Variants in CC2D2B observed in about 807,000 individuals in gnomAD.
The protein encoded by CC2D2B is protein CC2D2B.
In CC2D2B, 128 loss-of-function variants were observed where a neutral mutation model predicts 161.2. That is an observed-to-expected ratio of 0.79 (90% CI 0.69 to 0.92). CC2D2B has a LOEUF of 0.92. Ranked by LOEUF, CC2D2B falls within the 40% of genes least tolerant of loss-of-function variation. The probability of loss-of-function intolerance (pLI) is 0.00; values close to 1 mark genes in which losing one functional copy is unlikely to be tolerated. For missense variants in CC2D2B, 1,173 were observed against 1,375.1 expected, an observed-to-expected ratio of 0.85 and a Z score of 2.32; for synonymous variants, 391 against 449.8, an observed-to-expected ratio of 0.87 and a Z score of 1.65.
chr10:95,936,753 A>T (rs190491329), intron 6 of CC2D2B, among the ~76,000 whole-genome samples: 11 of 152,014 alleles, frequency 7.2e-5, no homozygotes, highest in African/African-American at 2.4e-4. Context: ...TAGGGCTTAT[A>T]AAAAAAAGAC....
chr10:95,981,677 C>T (rs2077536249), intron 17 of CC2D2B, among the ~76,000 whole-genome samples: 1 of 152,160 alleles, frequency 6.6e-6, no homozygotes, highest in Admixed American at 6.5e-5. Flanking sequence ...TAAGCATCTA[C>T]AGTATTTTAG....
chr10:95,991,147 A>C (rs957579963), intron 20 of CC2D2B, among the ~76,000 whole-genome samples: 3 of 151,472 alleles, frequency 2.0e-5, no homozygotes, highest in Non-Finnish European at 4.4e-5. Context: ...GTAGAAAGAC[A>C]AAAAAAAGTG....
intron 29 of CC2D2B, 51 bp from the exon 30 acceptor site, chr10:96,016,150 A>G (rs1254600972): frequency 1.6e-6 from 2 of 1,246,432 alleles, no homozygotes; most frequent in East Asian, 2.4e-5. Context: ...GCGTTACTCA[A>G]CTTTCCCGCA....
chr10:96,012,710 AC>A lies in CC2D2B; in HGVS notation c.3408del (p.His1136GlnfsTer16). 6.3e-7 allele frequency: 1 copy of A among 1,594,026 alleles called. No individual in the cohort carries two copies. Among genetic ancestry groups the A allele is most frequent in the East Asian group, 2.2e-5 (1 of 44,694 alleles). ...CAGCAACTTCTGGATATATTTCTTC[AC>A]AATTCTAATGCAACATTTGTAAGTT... ...PPQQLLDIFL[H>X]NSNATFDLIA... On this transcript the variant is annotated frameshift_variant, in exon 28 of 35. Transcript: ENST00000646931. LOFTEE classifies it high-confidence loss of function.
intron 2 of CC2D2B, chr10:95,919,269 G>T (rs1590332182): frequency 6.6e-6 from 1 of 152,280 alleles, no homozygotes; most frequent in East Asian, 1.9e-4. Context: ...TCTAGAGAAG[G>T]ATTAGTAAGT....
chr10:95,968,802 T>C lies in CC2D2B; in HGVS notation c.1545T>C (p.Ser515=). The change falls in exon 15 of 35, where the codon TCT becomes TCC. Residue 515 remains serine (S), a synonymous_variant. Coordinates refer to ENST00000646931, the MANE Select transcript of CC2D2B (RefSeq NM_001349008.3). The stretch of plus-strand genomic sequence containing the variant: ...TATTTTACAACAATAAACAGGTTTC[T>C]TGTACTTCAGTATCTCCCCTACAGT... ...IKIFYNNKQV[S]CTSVSPLQFD... 2 of 1,206,594 alleles carry C rather than the reference T, an allele frequency of 1.7e-6. No homozygotes were observed. The highest frequency in any genetic ancestry group is 2.1e-6 in the Non-Finnish European group (2 of 964,854). The allele number at this position is 1,206,594 out of a possible 1,614,324, so 74.7% of individuals were successfully genotyped here. A position where few individuals can be genotyped will look rare whatever the true frequency, so the allele number is the denominator to read the frequency against.
At chr10:96,010,013 T>A in intron 26 of CC2D2B, 90 bp downstream of exon 26, 1 of 752,962 alleles carries the variant, frequency 1.3e-6, no homozygotes, top group Non-Finnish European at 2.3e-6. Flanking sequence ...ACTCTGTGAT[T>A]GGCAGGCTGG....
intron 9 of CC2D2B, among the ~76,000 whole-genome samples, chr10:95,942,448 C>T (rs1361048212): frequency 6.6e-6 from 1 of 152,086 alleles, no homozygotes; most frequent in Non-Finnish European, 1.5e-5. Flanking sequence ...TAACCATTCA[C>T]TTATATAATT....
At chr10:95,955,367 C>T (rs538358223) in intron 10 of CC2D2B, 27 bp from the exon 11 acceptor site, 29 of 389,466 alleles carry the variant, frequency 7.4e-5, no homozygotes, top group Admixed American at 3.4e-4. Flanking sequence ...TAAAATATAC[C>T]GAAGAGCTCT....
chr10:95,934,321 C>T (rs1248271270), intron 6 of CC2D2B, among the ~76,000 whole-genome samples: 1 of 151,992 alleles, frequency 6.6e-6, no homozygotes, highest in African/African-American at 2.4e-5. Context: ...GGGGCTCCGT[C>T]GGGGTGGGAT....
chr10:95,980,205 G>A (rs1168439070), intron 17 of CC2D2B, among the ~76,000 whole-genome samples: 1 of 151,940 alleles, frequency 6.6e-6, no homozygotes, highest in Non-Finnish European at 1.5e-5. Flanking sequence ...GAGGAAGGGA[G>A]GGAGGGAGGG....
At chr10:95,965,208 A>C (rs1414177068) in intron 12 of CC2D2B, among the ~76,000 whole-genome samples, 2 of 152,062 alleles carry the variant, frequency 1.3e-5, no homozygotes, top group Non-Finnish European at 1.5e-5. Flanking sequence ...TACATCAATA[A>C]TTTTCTGACA....
intron 2 of CC2D2B, among the ~76,000 whole-genome samples, chr10:95,913,051 AC>A (rs2098509332): frequency 6.6e-6 from 1 of 152,104 alleles, no homozygotes; most frequent in African/African-American, 2.4e-5. Context: ...GCTGTAAAAT[AC>A]TAGATCGTAT....
intron 5 of CC2D2B, among the ~76,000 whole-genome samples, chr10:95,925,247 C>G (rs1365931850): frequency 6.6e-6 from 1 of 152,120 alleles, no homozygotes; most frequent in African/African-American, 2.4e-5. Flanking sequence ...CATGCGGAAG[C>G]AAGGCAAAGA....
intron 24 of CC2D2B, among the ~76,000 whole-genome samples, chr10:96,000,462 C>T (rs1031432756): frequency 2.6e-5 from 4 of 152,098 alleles, no homozygotes; most frequent in Admixed American, 6.5e-5. Flanking sequence ...CTCCCAGGTT[C>T]GAACCATTCT....
chr10:96,025,184 T>TAAAA (rs1279667652), intron 33 of CC2D2B, among the ~76,000 whole-genome samples: 1 of 20,650 alleles, frequency 4.8e-5, no homozygotes, highest in African/African-American at 2.2e-4. Context: ...TATATATATA[T>TAAAA]AAAAAAAAAT....
intron 24 of CC2D2B, among the ~76,000 whole-genome samples, chr10:96,001,398 T>C (rs2078488849): frequency 6.6e-6 from 1 of 152,210 alleles, no homozygotes; most frequent in African/African-American, 2.4e-5. Context: ...CTACGAATAT[T>C]TTATATTTCA....
At chr10:96,013,239 C>T (rs2079062195) in intron 28 of CC2D2B, among the ~76,000 whole-genome samples, 1 of 151,880 alleles carries the variant, frequency 6.6e-6, no homozygotes, top group Non-Finnish European at 1.5e-5. Context: ...TCTTTGTCTC[C>T]AGCACTATAG....
rs368168752 is a variant in CC2D2B at position 95,947,078 on chromosome 10, C to CAAAAAAAAAAAAA, written c.802-2813_802-2812insAAAAAAAAAAAAA. Among the ~76,000 whole-genome samples, 88 of 51,920 alleles carry CAAAAAAAAAAAAA rather than the reference C, an allele frequency of 1.7e-3. 1 individual carries two copies. Among genetic ancestry groups the CAAAAAAAAAAAAA allele is most frequent in the East Asian group, 4.1e-3 (14 of 3,450 alleles). 34.1% of individuals were successfully genotyped at this position (51,920 alleles called of 152,430 possible). A position where few individuals can be genotyped will look rare whatever the true frequency, so the allele number is the denominator to read the frequency against. ...GTGCATAAATTCCAAATAGTGGACT[C>CAAAAAAAAAAAAA]AAAAATATATATATATATATATATA... On this transcript the variant is annotated intron_variant, in intron 9 of 34. Transcript: ENST00000646931.
Sources: gnomAD v4.1 joint callset for allele counts (sites outside exome capture counted in the v4.1 genomes callset) on GRCh38, gnomAD v4.1.1 for gene constraint, MANE v1.5 for transcripts, NCBI Gene and HGNC (gene_info 2026-07-23, HGNC 2026-07-21) for gene names.